Variants in ALG11 observed in about 807,000 individuals in gnomAD.
The protein encoded by ALG11 is GDP-Man:Man(3)GlcNAc(2)-PP-Dol alpha-1,2-mannosyltransferase.
Under a neutral mutation model 38.8 loss-of-function variants are expected in ALG11, and 26 were observed. That is an observed-to-expected ratio of 0.67 (90% CI 0.49 to 0.93). The LOEUF is 0.93. Ranked by LOEUF, ALG11 falls within the 40% of genes least tolerant of loss-of-function variation. ALG11 has a pLI of 0.00. For missense variants in ALG11, 535 were observed against 578.8 expected, an observed-to-expected ratio of 0.92 and a Z score of 0.78; for synonymous variants, 199 against 211.6, an observed-to-expected ratio of 0.94 and a Z score of 0.52.
In ALG11 at chr13:52,031,018, C is replaced by G. The variant is rs141049018; in HGVS notation, c.*2428C>G. ...CCATAAAAGCAGAGGATGTGGGCTACCAGTCTTCCTCAAGGTCAGACCTGC... is the reference window on the plus strand; with the variant it reads ...CCATAAAAGCAGAGGATGTGGGCTAGCAGTCTTCCTCAAGGTCAGACCTGC... On this transcript the variant is annotated 3_prime_UTR_variant, in exon 4 of 4. Transcript: ENST00000521508. 3,810 of 1,614,170 alleles carry G rather than the reference C, an allele frequency of 2.4e-3. 9 individuals carry two copies. Among genetic ancestry groups the G allele is most frequent in the Non-Finnish European group, 2.8e-3 (3,326 of 1,180,024 alleles).
intron 3 of ALG11, 111 bp from the exon 4 acceptor site, chr13:52,028,204 TTTAA>T (rs1954260100): frequency 8.2e-7 from 1 of 1,222,916 alleles, no homozygotes; most frequent in Non-Finnish European, 1.2e-6. Context: ...TAGACATACA[TTTAA>T]TTAAGTTTCT....
At chr13:52,027,370 A>G (rs1234139897) in intron 3 of ALG11, among the ~76,000 whole-genome samples, 3 of 152,128 alleles carry the variant, frequency 2.0e-5, no homozygotes, top group Non-Finnish European at 4.4e-5. Flanking sequence ...AGGGTAAAAG[A>G]TGCAGGTCTC....
Position 52,032,775 on chromosome 13 carries a change from A to G in ALG11, c.*4185A>G, listed in dbSNP as rs1180921964. On this transcript the variant is annotated 3_prime_UTR_variant, in exon 4 of 4. Transcript: ENST00000521508. ...AATTGGAGTGAAAGGAACCCTACAG[A>G]TTAGCCCAGTTCTCTCTTATTTTCA... The G allele has an allele frequency of 6.0e-6, 1 of 167,096 alleles. No homozygotes were observed. The highest frequency in any genetic ancestry group is 2.4e-5 in the African/African-American group (1 of 41,460). 10.4% of individuals were successfully genotyped at this position (167,096 alleles called of 1,614,324 possible).
At chr13:52,020,188 A>G (rs944685008) in intron 2 of ALG11, among the ~76,000 whole-genome samples, 2 of 152,182 alleles carry the variant, frequency 1.3e-5, no homozygotes, top group African/African-American at 2.4e-5. Flanking sequence ...GATAGTCTCA[A>G]CTTACCATGT....
At chr13:52,019,239 T>TTTTG in intron 2 of ALG11, 96 bp downstream of exon 2, 1 of 997,642 alleles carries the variant, frequency 1.0e-6, no homozygotes. Context: ...TTTTTTTTTT[T>TTTTG]GAGACAGAGT....
chr13:52,029,576 G>A lies in ALG11; in HGVS notation c.*986G>A, dbSNP rs1954277229. 1 of 1,614,194 alleles carries A rather than the reference G, an allele frequency of 6.2e-7. No homozygotes were observed. Among genetic ancestry groups the A allele is most frequent in the Admixed American group, 1.7e-5 (1 of 60,020 alleles). On this transcript the variant is annotated 3_prime_UTR_variant, in exon 4 of 4. Transcript: ENST00000521508. ...AAAGTATCACAAAGTCGTGAAGAAA[G>A]GAAAGGCCAAGAAAGCCTTAAAAGA... is the stretch of plus-strand genomic sequence containing the variant.
Position 52,029,095 on chromosome 13 carries a change from T to C in ALG11, c.*505T>C, listed in dbSNP as rs760871714. 1.7e-5 allele frequency: 28 copies of C among 1,614,112 alleles called. No individual in the cohort carries two copies. Among genetic ancestry groups the C allele is most frequent in the Admixed American group, 8.3e-5 (5 of 60,012 alleles). On this transcript the variant is annotated 3_prime_UTR_variant, in exon 4 of 4. Transcript: ENST00000521508. ...TGCTTGAGCCCGTTAAAACTTCATC[T>C]TCTTTGGCCACTGTAAAAAAGCAAC...
chr13:52,019,572 C>G (rs1388018546), intron 2 of ALG11, among the ~76,000 whole-genome samples: 1 of 152,110 alleles, frequency 6.6e-6, no homozygotes, highest in Non-Finnish European at 1.5e-5. Flanking sequence ...TTAAACTGTT[C>G]TTCAATAAGA....
chr13:52,028,292 T>G (rs903834860), intron 3 of ALG11, 27 bp from the exon 4 acceptor site: 11 of 1,613,930 alleles, frequency 6.8e-6, no homozygotes, highest in Non-Finnish European at 7.6e-6. Flanking sequence ...ACTTAAAAGA[T>G]TACATGATTT....
rs983302385 is a variant in ALG11, at chr13:52,030,082, A to G, written c.*1492A>G. 1 of 1,614,230 alleles carries G rather than the reference A, an allele frequency of 6.2e-7. No homozygotes were observed. The highest frequency in any genetic ancestry group is 1.7e-5 in the Admixed American group (1 of 60,024). ...TGTTGAGAGAATTTGAGGAAAGGCAATCCCTTAGAAAAAGATCTGAGCTCA... is the reference window on the plus strand; with the variant it reads ...TGTTGAGAGAATTTGAGGAAAGGCAGTCCCTTAGAAAAAGATCTGAGCTCA... On this transcript the variant is annotated 3_prime_UTR_variant, in exon 4 of 4. Transcript: ENST00000521508.
At chr13:52,027,925 A>G (rs573040538) in intron 3 of ALG11, among the ~76,000 whole-genome samples, 3 of 152,044 alleles carry the variant, frequency 2.0e-5, no homozygotes, top group Non-Finnish European at 2.9e-5. Flanking sequence ...ATCTTTTTTA[A>G]TAGGCTAGTC....
intron 1 of ALG11, chr13:52,017,048 G>A (rs541687203): frequency 1.3e-5 from 2 of 152,362 alleles, no homozygotes; most frequent in East Asian, 3.9e-4. Flanking sequence ...GCTTAAGCAT[G>A]ACCTGGATGT....
chr13:52,019,922 G>A (rs1052498570), intron 2 of ALG11, among the ~76,000 whole-genome samples: 17 of 152,140 alleles, frequency 1.1e-4, no homozygotes, highest in East Asian at 9.6e-4. Flanking sequence ...GTGAGAACCC[G>A]TCTCAAGGGA....
chr13:52,015,660 GCTT>G (rs1409730331), intron 1 of ALG11: 1 of 154,250 alleles, frequency 6.5e-6, no homozygotes, highest in Non-Finnish European at 1.4e-5. Flanking sequence ...TTCTGCTTTT[GCTT>G]CTTTCTGATT....
At position 52,028,372 on chromosome 13, in the gene ALG11, G is replaced by T. The variant is rs1954262267; in HGVS notation, c.1261G>T (p.Gly421Cys). 6.2e-7 allele frequency: 1 copy of T among 1,614,050 alleles called. No individual in the cohort carries two copies. The highest frequency in any genetic ancestry group is 8.5e-7 in the Non-Finnish European group (1 of 1,180,016). The change falls in exon 4 of 4, where the codon GGC (glycine) becomes TGC (cysteine). Residue 421 changes from glycine to cysteine, a missense_variant. Gly to Cys is a radical substitution (Grantham distance 159). Transcript: ENST00000521508. ...GTIILAHNSG[G>C]PKLDIVVPHE... ...AATTATCCTTGCACACAATTCGGGG[G>T]GCCCAAAGCTTGACATTGTGGTTCC...
chr13:52,023,825 C>T (rs576927254), intron 2 of ALG11, 181 bp from the exon 3 acceptor site: 15 of 234,870 alleles, frequency 6.4e-5, no homozygotes, highest in Non-Finnish European at 1.2e-4. Context: ...GATGGAGTCT[C>T]ACTCTGTCAC....
In ALG11 at chr13:52,015,458, G is replaced by A. The variant is rs1033637850; in HGVS notation, c.44+2996G>A. 2.0e-5 allele frequency among the ~76,000 whole-genome samples: 3 copies of A among 152,264 alleles called. 1 individual carries two copies. The South Asian group carries it at 6.2e-4, about 32-fold the overall frequency. On this transcript the variant is annotated intron_variant, in intron 1 of 3. Coordinates refer to ENST00000521508, the MANE Select transcript of ALG11 (RefSeq NM_001004127.3). ...GATGAATTTGTATGTTTTCATGTGG[G>A]CAGTGAAAACTATGTGATATGGTTT...
chr13:52,029,197 A>G lies in ALG11; in HGVS notation c.*607A>G, dbSNP rs752827145. 4.3e-6 allele frequency: 7 copies of G among 1,614,240 alleles called. No homozygotes were observed. The highest frequency in any genetic ancestry group is 5.1e-6 in the Non-Finnish European group (6 of 1,180,042). On this transcript the variant is annotated 3_prime_UTR_variant, in exon 4 of 4. Transcript: ENST00000521508. ...AAATTGAACAGATCCACAGAGAAGT[A>G]GCATTCAGTAAAACCTCACAGGTCC...
intron 2 of ALG11, chr13:52,021,459 G>C (rs1204757199): frequency 2.0e-5 from 3 of 152,268 alleles, no homozygotes; most frequent in Non-Finnish European, 2.9e-5. Flanking sequence ...CCTAAGGCTG[G>C]TTGGAGCTTG....
Sources: allele counts gnomAD v4.1 joint callset (sites outside exome capture counted in the v4.1 genomes callset), GRCh38; gene constraint gnomAD v4.1.1; transcripts MANE v1.5; gene names NCBI Gene and HGNC (gene_info 2026-07-23, HGNC 2026-07-21).